The following SRPK2 variants were observed in gnomAD, a reference collection of about 807,000 sequenced individuals.
The protein encoded by SRPK2 is SFRS protein kinase 2.
SRPK2 carries 21 observed loss-of-function variants against 90.8 expected under a neutral mutation model. The observed-to-expected ratio is 0.23, with a 90% CI of 0.16 to 0.33. The LOEUF (loss-of-function observed/expected upper bound fraction) is 0.33. SRPK2 is among the 10% of genes least tolerant of loss of function. SRPK2 has a pLI of 1.00. For missense variants in SRPK2, 620 were observed against 869.0 expected, an observed-to-expected ratio of 0.71 and a Z score of 3.60; for synonymous variants, 288 against 311.1, an observed-to-expected ratio of 0.93 and a Z score of 0.78.
At chr7:105,280,818 G>T (rs2130811176) in intron 2 of SRPK2, among the ~76,000 whole-genome samples, 1 of 150,852 alleles carries the variant, frequency 6.6e-6, no homozygotes, top group East Asian at 2.0e-4. Context: ...GTGGTGGCGG[G>T]CACCTGTAGT....
At chr7:105,281,422 A>C (rs1191708379) in intron 2 of SRPK2, among the ~76,000 whole-genome samples, 1 of 152,100 alleles carries the variant, frequency 6.6e-6, no homozygotes, top group Non-Finnish European at 1.5e-5. Context: ...CAAAAACCGC[A>C]ATTACATTTG....
chr7:105,316,076 G>A lies in SRPK2; in HGVS notation c.71+72572C>T, dbSNP rs540284714. On this transcript the variant is annotated intron_variant, in intron 2 of 15. Coordinates refer to ENST00000393651, the MANE Select transcript of SRPK2 (RefSeq NM_182692.3). ...TTTCGCTCTTGTCACCCAGCCTGGA[G>A]TGCAATGGCGCGATCTCGGCTCACT... 3.4e-5 allele frequency among the ~76,000 whole-genome samples: 5 copies of A among 146,762 alleles called. No homozygotes were observed. The South Asian group carries it at 1.1e-3, about 32-fold the overall frequency.
intron 2 of SRPK2, among the ~76,000 whole-genome samples, chr7:105,307,047 C>G (rs955571914): frequency 6.6e-6 from 1 of 152,132 alleles, no homozygotes; most frequent in Non-Finnish European, 1.5e-5. Context: ...GTCCTGGAAA[C>G]ACAAAGGCAG....
In SRPK2 at chr7:105,116,798, G is replaced by C. The variant is rs1384018351; in HGVS notation, c.*1040C>G. The C allele has an allele frequency of 6.6e-6, 1 of 152,314 alleles. No homozygotes were observed. Among genetic ancestry groups the C allele is most frequent in the Non-Finnish European group, 1.5e-5 (1 of 68,030 alleles). The allele number at this position is 152,314 out of a possible 1,614,324, so 9.4% of individuals were successfully genotyped here. Reference sequence around the variant, plus strand: ...CCACACGTAAAGCTACCTATGGAATGAATGTGATCACTGTTATCTTTGAGC... The same window carrying C: ...CCACACGTAAAGCTACCTATGGAATCAATGTGATCACTGTTATCTTTGAGC... On this transcript the variant is annotated 3_prime_UTR_variant, in exon 16 of 16. Coordinates refer to ENST00000393651, the MANE Select transcript of SRPK2 (RefSeq NM_182692.3).
chr7:105,289,131 G>A (rs537370880), intron 2 of SRPK2, among the ~76,000 whole-genome samples: 17 of 145,592 alleles, frequency 1.2e-4, no homozygotes, highest in Non-Finnish European at 2.1e-4. Context: ...AAAATTAGCC[G>A]GGCATGGTGG....
At chr7:105,218,532 T>C (rs564691592) in intron 2 of SRPK2, among the ~76,000 whole-genome samples, 56 of 152,250 alleles carry the variant, frequency 3.7e-4, no homozygotes, top group African/African-American at 1.3e-3. Context: ...GTAAGGAAAG[T>C]AGATACAAAT....
intron 2 of SRPK2, among the ~76,000 whole-genome samples, chr7:105,314,989 T>C (rs939478871): frequency 2.6e-5 from 4 of 152,100 alleles, no homozygotes; most frequent in African/African-American, 9.7e-5. Flanking sequence ...AAAGAAACAA[T>C]TTATGAGCTG....
intron 3 of SRPK2, among the ~76,000 whole-genome samples, chr7:105,185,343 C>G (rs973097105): frequency 1.3e-5 from 2 of 151,850 alleles, no homozygotes; most frequent in Non-Finnish European, 2.9e-5. Context: ...CAGAAAACAG[C>G]TCTCTGGCTG....
chr7:105,318,178 G>A (rs1033892817), intron 2 of SRPK2, among the ~76,000 whole-genome samples: 7 of 152,054 alleles, frequency 4.6e-5, no homozygotes, highest in African/African-American at 7.2e-5. Flanking sequence ...CACTGCAACC[G>A]CCGCCTCCTG....
intron 2 of SRPK2, among the ~76,000 whole-genome samples, chr7:105,231,877 T>C (rs1326808549): frequency 2.0e-5 from 3 of 152,218 alleles, no homozygotes; most frequent in Non-Finnish European, 4.4e-5. Context: ...ACTCTTTTGG[T>C]AACAGGGTCT....
chr7:105,346,538 G>A (rs1395988966), intron 2 of SRPK2, among the ~76,000 whole-genome samples: 5 of 152,058 alleles, frequency 3.3e-5, no homozygotes, highest in Non-Finnish European at 5.9e-5. Context: ...GGCGGATCAC[G>A]AGGTCAGGAG....
At chr7:105,356,585 T>C (rs1355036460) in intron 2 of SRPK2, among the ~76,000 whole-genome samples, 1 of 152,170 alleles carries the variant, frequency 6.6e-6, no homozygotes, top group Non-Finnish European at 1.5e-5. Flanking sequence ...GTGAGTAATT[T>C]AGATAAACCC....
intron 2 of SRPK2, among the ~76,000 whole-genome samples, chr7:105,205,251 A>G (rs1033126416): frequency 5.3e-5 from 8 of 152,194 alleles, no homozygotes; most frequent in South Asian, 2.1e-4. Context: ...ACCTGACATC[A>G]TGAGGAAGGG....
intron 2 of SRPK2, among the ~76,000 whole-genome samples, chr7:105,213,611 T>C (rs1022640464): frequency 1.3e-5 from 2 of 152,148 alleles, no homozygotes; most frequent in African/African-American, 4.8e-5. Flanking sequence ...TTAGAGCACA[T>C]ACATATACAA....
Position 105,353,544 on chromosome 7 carries a change from T to TGTTGTTGTA in SRPK2, c.71+35103_71+35104insTACAACAAC, listed in dbSNP as rs56935575. Among the ~76,000 whole-genome samples the TGTTGTTGTA allele has an allele frequency of 1.8e-3, 278 of 150,324 alleles. 2 individuals carry two copies. The East Asian group carries it at 0.035, about 19-fold the overall frequency. ...TTGTTGTTGTTGTTGTTGTTGTTGT[T>TGTTGTTGTA]TGGTGGAGACAGGGTTTTGTCACGT... On this transcript the variant is annotated intron_variant, in intron 2 of 15. Coordinates refer to ENST00000393651, the MANE Select transcript of SRPK2 (RefSeq NM_182692.3).
intron 15 of SRPK2, among the ~76,000 whole-genome samples, chr7:105,118,918 A>T (rs1206091480): frequency 6.6e-6 from 1 of 152,144 alleles, no homozygotes; most frequent in Admixed American, 6.6e-5. Context: ...GTCTCCCCAT[A>T]ACCTTTTCAA....
chr7:105,373,341 G>A (rs17270450), intron 2 of SRPK2, among the ~76,000 whole-genome samples: 65,383 of 149,886 alleles, frequency 0.44, 15,749 homozygotes, highest in Non-Finnish European at 0.54. Context: ...TCCCTCAACC[G>A]GTTTATCCTT....
intron 2 of SRPK2, among the ~76,000 whole-genome samples, chr7:105,251,769 G>T (rs1040583541): frequency 1.3e-5 from 2 of 152,200 alleles, no homozygotes; most frequent in Non-Finnish European, 2.9e-5. Context: ...ATGTGGGGGT[G>T]TGTCTGGTGA....
chr7:105,263,857 C>G (rs1374865809), intron 2 of SRPK2, among the ~76,000 whole-genome samples: 1 of 151,980 alleles, frequency 6.6e-6, no homozygotes, highest in African/African-American at 2.4e-5. Context: ...AAAATACTAA[C>G]AAAAATTAAA....
Sources: gnomAD v4.1 joint callset for allele counts (sites outside exome capture counted in the v4.1 genomes callset) on GRCh38, gnomAD v4.1.1 for gene constraint, MANE v1.5 for transcripts, NCBI Gene and HGNC (gene_info 2026-07-23, HGNC 2026-07-21) for gene names.